CSMD1: variants seen among roughly 807,000 people sequenced by gnomAD.
CSMD1 encodes CUB and Sushi multiple domains 1.
In CSMD1, 213 loss-of-function variants were observed where a neutral mutation model predicts 417.5. The observed-to-expected ratio is 0.51, with a 90% CI of 0.46 to 0.57. CSMD1 has a LOEUF of 0.57. Among genes scored for constraint, CSMD1 ranks in the 20% least tolerant of loss-of-function variants. CSMD1 has a pLI of 0.00. For missense variants in CSMD1, 6,923 were observed against 4,529.7 expected, an observed-to-expected ratio of 1.53 and a Z score of -15.17; for synonymous variants, 2,862 against 1,736.8, an observed-to-expected ratio of 1.65 and a Z score of -16.11.
chr8:4,765,661 A>G (rs1183472789), intron 1 of CSMD1, among the ~76,000 whole-genome samples: 1 of 152,202 alleles, frequency 6.6e-6, no homozygotes, highest in Non-Finnish European at 1.5e-5. Context: ...ATCCAAGCAA[A>G]CTTGCTGTGC....
At chr8:3,080,496 C>T (rs1010060503) in intron 49 of CSMD1, among the ~76,000 whole-genome samples, 18 of 152,246 alleles carry the variant, frequency 1.2e-4, no homozygotes, top group African/African-American at 4.1e-4. Flanking sequence ...TACATTTTGC[C>T]GGCTCCATCT....
intron 21 of CSMD1, among the ~76,000 whole-genome samples, chr8:3,349,031 C>T (rs758289944): frequency 4.6e-5 from 7 of 152,192 alleles, no homozygotes; most frequent in Non-Finnish European, 7.3e-5. Flanking sequence ...GAGAGCTCCA[C>T]AGGAGTCTGC....
At chr8:4,427,373 A>G (rs1264286988) in intron 2 of CSMD1, among the ~76,000 whole-genome samples, 2 of 152,054 alleles carry the variant, frequency 1.3e-5, no homozygotes, top group African/African-American at 2.4e-5. Flanking sequence ...GTGATCTGGA[A>G]CCAGGTGCTT....
In CSMD1 at chr8:4,752,978, T is replaced by C. The variant is rs187700883; in HGVS notation, c.86-115420A>G. Among the ~76,000 whole-genome samples, 194 of 152,312 alleles carry C rather than the reference T, an allele frequency of 1.3e-3. 3 individuals are homozygous for C. The highest frequency in any genetic ancestry group is 4.6e-3 in the African/African-American group (190 of 41,584). ...GCCAAAGAAAATCATTACTTTAAAA[T>C]ACAATTATGGATGGTTTGGTATATA... On this transcript the variant is annotated intron_variant, in intron 1 of 69. Transcript: ENST00000635120.
At chr8:3,574,749 G>C (rs1800077009) in intron 10 of CSMD1, among the ~76,000 whole-genome samples, 196 bp downstream of exon 10, 1 of 152,216 alleles carries the variant, frequency 6.6e-6, no homozygotes, top group Non-Finnish European at 1.5e-5. Flanking sequence ...ACCACAGTGA[G>C]AATACTCACT....
At chr8:4,015,358 T>G (rs1796470160) in intron 4 of CSMD1, among the ~76,000 whole-genome samples, 1 of 152,310 alleles carries the variant, frequency 6.6e-6, no homozygotes, top group South Asian at 2.1e-4. Flanking sequence ...GTTCCTAGTT[T>G]TCCTGCCTTT....
intron 10 of CSMD1, among the ~76,000 whole-genome samples, chr8:3,494,501 T>G (rs540198688): frequency 3.3e-5 from 5 of 151,958 alleles, no homozygotes; most frequent in Non-Finnish European, 7.4e-5. Flanking sequence ...GAATGATAGA[T>G]AGATGATAGA....
intron 3 of CSMD1, among the ~76,000 whole-genome samples, chr8:4,159,972 T>C (rs1797055950): frequency 6.6e-6 from 1 of 151,982 alleles, no homozygotes; most frequent in Admixed American, 6.6e-5. Context: ...GATAAAAGAC[T>C]ACCAATTGGG....
At chr8:4,124,245 G>C (rs996552156) in intron 3 of CSMD1, among the ~76,000 whole-genome samples, 5 of 152,094 alleles carry the variant, frequency 3.3e-5, no homozygotes, top group African/African-American at 1.2e-4. Flanking sequence ...TGAGGCCTGA[G>C]GTCATTAACA....
chr8:4,910,436 A>G (rs978502094), intron 1 of CSMD1, among the ~76,000 whole-genome samples: 4 of 152,230 alleles, frequency 2.6e-5, no homozygotes, highest in Admixed American at 2.0e-4. Flanking sequence ...TGAGAAGTCC[A>G]GGATCAAGTT....
At chr8:3,315,156 CAT>C (rs1435580404) in intron 23 of CSMD1, among the ~76,000 whole-genome samples, 1 of 152,034 alleles carries the variant, frequency 6.6e-6, no homozygotes, top group Non-Finnish European at 1.5e-5. Flanking sequence ...GAATGACTCT[CAT>C]GTGAAAAAAA....
At chr8:4,318,984 C>T (rs552321409) in intron 3 of CSMD1, among the ~76,000 whole-genome samples, 18 of 152,150 alleles carry the variant, frequency 1.2e-4, no homozygotes, top group Non-Finnish European at 2.2e-4. Context: ...CTATCATCTT[C>T]ATATTAAACA....
chr8:4,958,088 A>G (rs994306116), intron 1 of CSMD1, among the ~76,000 whole-genome samples: 4 of 152,184 alleles, frequency 2.6e-5, no homozygotes, highest in African/African-American at 9.7e-5. Flanking sequence ...AGTGTTCATA[A>G]TCCATAAAGT....
chr8:4,049,595 T>G (rs1360189110), intron 3 of CSMD1, among the ~76,000 whole-genome samples: 2 of 152,246 alleles, frequency 1.3e-5, no homozygotes, highest in South Asian at 4.1e-4. Flanking sequence ...CTGTCTTTTT[T>G]ATTTAGGGTT....
At chr8:4,519,839 T>C (rs1477803278) in intron 2 of CSMD1, among the ~76,000 whole-genome samples, 3 of 146,828 alleles carry the variant, frequency 2.0e-5, no homozygotes, top group Non-Finnish European at 4.5e-5. Context: ...CTGAGCTAGA[T>C]CTTATAGGAT....
At chr8:4,222,170 C>G (rs1413115642) in intron 3 of CSMD1, among the ~76,000 whole-genome samples, 2 of 151,988 alleles carry the variant, frequency 1.3e-5, no homozygotes, top group Non-Finnish European at 2.9e-5. Context: ...TCTCAAAACC[C>G]CTTCTGTGTC....
At chr8:4,085,595 G>C (rs1298088033) in intron 3 of CSMD1, among the ~76,000 whole-genome samples, 3 of 152,252 alleles carry the variant, frequency 2.0e-5, no homozygotes, top group South Asian at 2.1e-4. Flanking sequence ...ATCGACGCTT[G>C]CAACAACTTG....
chr8:4,326,208 T>C (rs1239113645), intron 3 of CSMD1, among the ~76,000 whole-genome samples: 1 of 152,120 alleles, frequency 6.6e-6, no homozygotes, highest in African/African-American at 2.4e-5. Flanking sequence ...TGCTGCCGAT[T>C]TGGGAACACT....
In CSMD1 at chr8:3,772,510, TATATACATATATACAC is replaced by T. The variant is rs1563064607; in HGVS notation, c.819-18484_819-18469del. The stretch of plus-strand genomic sequence containing the variant: ...ATACACATATATACATATATACACA[TATATACATATATACAC>T]ATATATACATATATACACATATATA... On this transcript the variant is annotated intron_variant, in intron 5 of 69. Transcript: ENST00000635120. Among the ~76,000 whole-genome samples, 33 of 93,944 alleles carry T rather than the reference TATATACATATATACAC, an allele frequency of 3.5e-4. 2 individuals are homozygous for T. Among genetic ancestry groups the T allele is most frequent in the East Asian group, 1.8e-3 (5 of 2,806 alleles). The allele number at this position is 93,944 out of a possible 152,430, so 61.6% of individuals were successfully genotyped here.
Sources: allele counts gnomAD v4.1 joint callset (sites outside exome capture counted in the v4.1 genomes callset), GRCh38; gene constraint gnomAD v4.1.1; transcripts MANE v1.5; gene names NCBI Gene and HGNC (gene_info 2026-07-23, HGNC 2026-07-21).